Variants in SNX29 observed in about 807,000 individuals in gnomAD.
SNX29 encodes the protein sorting nexin-29.
A neutral mutation model predicts 102.1 loss-of-function variants in SNX29; 78 were observed. The observed-to-expected ratio is 0.76, with a 90% CI of 0.64 to 0.92. The LOEUF is 0.92. Ranked by LOEUF, SNX29 falls within the 40% of genes least tolerant of loss-of-function variation. The pLI is 0.00. For missense variants in SNX29, 1,280 were observed against 1,061.7 expected, an observed-to-expected ratio of 1.21 and a Z score of -2.86; for synonymous variants, 580 against 414.5, an observed-to-expected ratio of 1.40 and a Z score of -4.85.
intron 15 of SNX29, among the ~76,000 whole-genome samples, chr16:12,318,933 G>A (rs2080841525): frequency 6.6e-6 from 1 of 152,090 alleles, no homozygotes; most frequent in Non-Finnish European, 1.5e-5. Context: ...ATCTAAATGG[G>A]TCCAGGTGTG....
At chr16:12,459,024 TTCC>T (rs1313855527) in intron 18 of SNX29, among the ~76,000 whole-genome samples, 2 of 150,456 alleles carry the variant, frequency 1.3e-5, no homozygotes, top group African/African-American at 2.4e-5. Flanking sequence ...CCTTTCTCCC[TTCC>T]TCCTCCTCCG....
At position 12,572,014 on chromosome 16, in the gene SNX29, C is replaced by G. The variant is rs2079198391; in HGVS notation, c.*3385C>G. The G allele has an allele frequency of 2.8e-6, 3 of 1,062,788 alleles. No homozygotes were observed. Among genetic ancestry groups the G allele is most frequent in the Non-Finnish European group, 3.4e-6 (3 of 877,728 alleles). 65.8% of individuals were successfully genotyped at this position (1,062,788 alleles called of 1,614,324 possible). ...GTCACCAGTTGCATCTAGGGAGCTGCTGGCTATAAAAGGGATCATCCAGTG... is the reference window on the plus strand; with the variant it reads ...GTCACCAGTTGCATCTAGGGAGCTGGTGGCTATAAAAGGGATCATCCAGTG... On this transcript the variant is annotated 3_prime_UTR_variant, in exon 21 of 21. Coordinates refer to ENST00000566228, the MANE Select transcript of SNX29 (RefSeq NM_032167.5).
chr16:12,043,674 A>G (rs879943170), intron 5 of SNX29, among the ~76,000 whole-genome samples: 4 of 151,892 alleles, frequency 2.6e-5, no homozygotes, highest in Non-Finnish European at 5.9e-5. Flanking sequence ...TTAATTTGGG[A>G]TTCTTGAATT....
At chr16:12,183,850 G>T (rs1313128848) in intron 13 of SNX29, among the ~76,000 whole-genome samples, 2 of 152,174 alleles carry the variant, frequency 1.3e-5, no homozygotes, top group South Asian at 2.1e-4. Flanking sequence ...GACGATGAGA[G>T]TGACCTCTAG....
Position 11,980,777 on chromosome 16 carries a change from A to G in SNX29, c.7+3964A>G, listed in dbSNP as rs569212797. Among the ~76,000 whole-genome samples the G allele has an allele frequency of 2.0e-5, 3 of 152,102 alleles. No homozygotes were observed. In the South Asian group the frequency reaches 6.2e-4, roughly 32 times the overall value. The stretch of plus-strand genomic sequence containing the variant: ...ATGTTGAGCATCTTATCTTGTGCTT[A>G]TTGACCAATTGTGTATCCTCCTTGG... On this transcript the variant is annotated intron_variant, in intron 1 of 20. Coordinates refer to ENST00000566228, the MANE Select transcript of SNX29 (RefSeq NM_032167.5).
intron 13 of SNX29, among the ~76,000 whole-genome samples, chr16:12,196,390 CAG>C (rs796944695): frequency 3.3e-5 from 5 of 152,170 alleles, no homozygotes; most frequent in African/African-American, 1.2e-4. Context: ...GTGCCCTACT[CAG>C]AGGCAGGTGT....
At position 12,552,075 on chromosome 16, in the gene SNX29, A is replaced by C. The variant is rs141705689; in HGVS notation, c.2319-16431A>C. On this transcript the variant is annotated intron_variant, in intron 20 of 20. Coordinates refer to ENST00000566228, the MANE Select transcript of SNX29 (RefSeq NM_032167.5). ...TTTTGGGGCACTGAATCTCTGTCTCAATCACTCAACTGTGCTATCCTCAGT... is the reference window on the plus strand; with the variant it reads ...TTTTGGGGCACTGAATCTCTGTCTCCATCACTCAACTGTGCTATCCTCAGT... Among the ~76,000 whole-genome samples the C allele has an allele frequency of 4.0e-3, 608 of 152,252 alleles. 8 individuals are homozygous for C. Among genetic ancestry groups the C allele is most frequent in the African/African-American group, 0.014 (578 of 41,516 alleles).
At chr16:12,383,047 C>T (rs2083228422) in intron 16 of SNX29, among the ~76,000 whole-genome samples, 1 of 152,176 alleles carries the variant, frequency 6.6e-6, no homozygotes, top group African/African-American at 2.4e-5. Context: ...GTTCGACCTA[C>T]TACAGCTGCT....
chr16:12,356,141 C>A (rs2082128174), intron 15 of SNX29, 22 bp from the exon 16 acceptor site: 1 of 1,604,580 alleles, frequency 6.2e-7, no homozygotes, highest in African/African-American at 1.3e-5. Flanking sequence ...CTAAGCCTCA[C>A]CTTTCCGTGC....
At chr16:12,527,331 G>T (rs1202971552) in intron 20 of SNX29, 3 of 527,974 alleles carry the variant, frequency 5.7e-6, no homozygotes, top group East Asian at 8.0e-5. Flanking sequence ...CAGCTGGAAA[G>T]CTGAGCCTGA....
chr16:12,277,701 A>T (rs1409521766), intron 14 of SNX29, among the ~76,000 whole-genome samples: 1 of 152,058 alleles, frequency 6.6e-6, no homozygotes, highest in Admixed American at 6.5e-5. Context: ...CAGCCTCCTG[A>T]GCAGCTGACA....
intron 18 of SNX29, among the ~76,000 whole-genome samples, chr16:12,449,419 T>A (rs1358297666): frequency 2.0e-5 from 3 of 151,828 alleles, no homozygotes; most frequent in Non-Finnish European, 4.4e-5. Context: ...GTGAGCTGGT[T>A]TAGGTGGATT....
intron 14 of SNX29, among the ~76,000 whole-genome samples, chr16:12,251,388 A>G (rs1327410599): frequency 6.6e-6 from 1 of 152,154 alleles, no homozygotes. Flanking sequence ...CCTTACCTTT[A>G]TGATGCACAA....
chr16:12,563,348 C>G lies in SNX29; in HGVS notation c.2319-5158C>G, dbSNP rs563020188. The stretch of plus-strand genomic sequence containing the variant: ...TCACCGTCGAGGAGTGGCCATTATC[C>G]TGAGCCTGTCTTTTATCGCCACGTT... On this transcript the variant is annotated intron_variant, in intron 20 of 20. Transcript: ENST00000566228. Among the ~76,000 whole-genome samples the G allele has an allele frequency of 1.1e-4, 17 of 152,312 alleles. 1 individual carries two copies. The South Asian group carries it at 3.1e-3, about 28-fold the overall frequency.
At chr16:12,523,703 C>G (rs1389063663) in intron 19 of SNX29, among the ~76,000 whole-genome samples, 1 of 151,972 alleles carries the variant, frequency 6.6e-6, no homozygotes, top group Non-Finnish European at 1.5e-5. Context: ...AAACACCAAC[C>G]AGACACAGGG....
intron 20 of SNX29, among the ~76,000 whole-genome samples, chr16:12,549,610 C>G (rs938643862): frequency 1.3e-5 from 2 of 152,192 alleles, no homozygotes; most frequent in African/African-American, 4.8e-5. Flanking sequence ...ACTCCAGAGT[C>G]CTTGCCCTCC....
intron 13 of SNX29, among the ~76,000 whole-genome samples, chr16:12,150,477 C>G (rs2055251172): frequency 6.6e-6 from 1 of 152,236 alleles, no homozygotes. Flanking sequence ...CCCAGGCCTT[C>G]ACCAGCACTG....
At chr16:12,517,213 G>T (rs979836083) in intron 19 of SNX29, among the ~76,000 whole-genome samples, 1 of 152,176 alleles carries the variant, frequency 6.6e-6, no homozygotes, top group African/African-American at 2.4e-5. Context: ...CGCTGGGTTT[G>T]CCTCCAGTCC....
intron 18 of SNX29, among the ~76,000 whole-genome samples, chr16:12,452,145 G>T (rs984945416): frequency 6.6e-6 from 1 of 152,212 alleles, no homozygotes; most frequent in East Asian, 1.9e-4. Context: ...ACAGCTGTAG[G>T]GAGCTCAGTG....
Sources: gnomAD v4.1 joint callset for allele counts (sites outside exome capture counted in the v4.1 genomes callset) on GRCh38, gnomAD v4.1.1 for gene constraint, MANE v1.5 for transcripts, NCBI Gene and HGNC (gene_info 2026-07-23, HGNC 2026-07-21) for gene names.